Variants in EYA1 observed in about 807,000 individuals in gnomAD.
EYA1 encodes the protein protein phosphatase EYA1.
In EYA1, 16 loss-of-function variants were observed where a neutral mutation model predicts 82.0. The observed-to-expected ratio is 0.20, with a 90% CI of 0.13 to 0.30. The LOEUF is 0.30. Ranked by LOEUF, EYA1 falls within the 10% of genes least tolerant of loss-of-function variation. EYA1 has a pLI of 1.00. For missense variants in EYA1, 633 were observed against 730.7 expected (o/e 0.87, Z 1.54); for synonymous variants, 261 against 264.4 (o/e 0.99, Z 0.12).
intron 11 of EYA1, among the ~76,000 whole-genome samples, chr8:71,254,824 C>T (rs1184518658): frequency 1.3e-5 from 2 of 151,832 alleles, no homozygotes; most frequent in Non-Finnish European, 2.9e-5. Flanking sequence ...TAGAAAGCCC[C>T]GAAGACCTCC....
chr8:71,407,691 GA>G (rs1830336551), intron 2 of EYA1, among the ~76,000 whole-genome samples: 1 of 121,374 alleles, frequency 8.2e-6, no homozygotes, highest in Non-Finnish European at 1.7e-5. Flanking sequence ...AAAAAGAAAT[GA>G]GCAAAGCCTC....
chr8:71,508,955 C>T (rs1038296051), intron 2 of EYA1, among the ~76,000 whole-genome samples: 14 of 152,038 alleles, frequency 9.2e-5, no homozygotes, highest in Non-Finnish European at 1.3e-4. Flanking sequence ...GGTGTGGTGG[C>T]TCACAACTGT....
intron 11 of EYA1, among the ~76,000 whole-genome samples, chr8:71,264,757 T>A (rs1350356575): frequency 6.6e-6 from 1 of 152,044 alleles, no homozygotes; most frequent in Non-Finnish European, 1.5e-5. Flanking sequence ...TTTTGTATTT[T>A]TTTTTTGTAG....
intron 2 of EYA1, among the ~76,000 whole-genome samples, chr8:71,429,734 T>C (rs538414842): frequency 6.6e-6 from 1 of 152,176 alleles, no homozygotes; most frequent in African/African-American, 2.4e-5. Flanking sequence ...AAGGGACTTG[T>C]GTATTTCCAG....
chr8:71,418,433 T>C (rs1830969818), intron 2 of EYA1, among the ~76,000 whole-genome samples: 1 of 152,136 alleles, frequency 6.6e-6, no homozygotes, highest in African/African-American at 2.4e-5. Flanking sequence ...CCTGAACCCA[T>C]TTTCTGACTT....
intron 2 of EYA1, among the ~76,000 whole-genome samples, chr8:71,401,745 C>G (rs1172075170): frequency 6.6e-6 from 1 of 152,220 alleles, no homozygotes; most frequent in Non-Finnish European, 1.5e-5. Context: ...GGCTTAGAAG[C>G]TCCGCTTGGC....
At chr8:71,361,139 T>G (rs1187332524) in intron 1 of EYA1, among the ~76,000 whole-genome samples, 1 of 152,244 alleles carries the variant, frequency 6.6e-6, no homozygotes, top group Non-Finnish European at 1.5e-5. Flanking sequence ...AATATTTTCT[T>G]CCTTAAAAAG....
At chr8:71,510,306 C>A (rs181991214) in intron 2 of EYA1, among the ~76,000 whole-genome samples, 101 of 152,278 alleles carry the variant, frequency 6.6e-4, no homozygotes, top group African/African-American at 2.2e-3. Context: ...CCTAAAGCAG[C>A]CAAACCATAG....
chr8:71,422,939 C>A (rs1254255810), intron 2 of EYA1, among the ~76,000 whole-genome samples: 2 of 152,048 alleles, frequency 1.3e-5, no homozygotes, highest in Non-Finnish European at 2.9e-5. Flanking sequence ...TTATTAGGAA[C>A]AATGCTACAG....
In EYA1 at chr8:71,487,305, T is replaced by C. The variant is rs544442078; in HGVS notation, c.33+48439A>G. ...ACATTCTCAGGCTCAGTTTCATCTG[T>C]AAAATGAGGGGTTCATGCAGATGAT... On this transcript the variant is annotated intron_variant, in intron 2 of 18. Coordinates refer to the EYA1 transcript ENST00000643681. Among the ~76,000 whole-genome samples the C allele has an allele frequency of 2.6e-5, 4 of 152,288 alleles. No individual in the cohort carries two copies. The South Asian group carries it at 6.2e-4, about 24-fold the overall frequency.
chr8:71,234,922 CCAAA>C (rs1811651258), intron 12 of EYA1, among the ~76,000 whole-genome samples: 1 of 152,118 alleles, frequency 6.6e-6, no homozygotes, highest in Non-Finnish European at 1.5e-5. Context: ...CAGCCACCCC[CCAAA>C]CACACTCTTC....
chr8:71,428,206 G>A (rs1352196928), intron 2 of EYA1, among the ~76,000 whole-genome samples: 2 of 152,130 alleles, frequency 1.3e-5, no homozygotes, highest in African/African-American at 4.8e-5. Context: ...TTGTTCGGGG[G>A]AGAAGTTATG....
At chr8:71,469,338 T>C (rs946537891) in intron 2 of EYA1, among the ~76,000 whole-genome samples, 2 of 152,092 alleles carry the variant, frequency 1.3e-5, no homozygotes, top group Admixed American at 6.6e-5. Flanking sequence ...CAAGCCCTCC[T>C]ACGACTTACC....
At chr8:71,317,823 C>T in intron 6 of EYA1, 134 bp from the exon 7 acceptor site, 2 of 838,000 alleles carry the variant, frequency 2.4e-6, no homozygotes, top group Non-Finnish European at 2.0e-6. Context: ...GGTATACATG[C>T]ATTCAGTGAA....
chr8:71,352,932 T>C (rs1826450558), intron 3 of EYA1, among the ~76,000 whole-genome samples: 1 of 152,206 alleles, frequency 6.6e-6, no homozygotes, highest in Non-Finnish European at 1.5e-5. Flanking sequence ...GGAGACAACT[T>C]GCCAATAAAA....
chr8:71,478,056 T>C (rs1308414060), intron 2 of EYA1, among the ~76,000 whole-genome samples: 1 of 152,192 alleles, frequency 6.6e-6, no homozygotes, highest in Non-Finnish European at 1.5e-5. Flanking sequence ...GGGATACTTA[T>C]TTTGGATGAT....
chr8:71,264,088 C>T (rs1815474172), intron 11 of EYA1, among the ~76,000 whole-genome samples: 1 of 152,118 alleles, frequency 6.6e-6, no homozygotes, highest in Non-Finnish European at 1.5e-5. Context: ...AAAATGTTTG[C>T]CAACCCTTGG....
At chr8:71,539,346 C>A (rs1406299312) in intron 1 of EYA1, among the ~76,000 whole-genome samples, 1 of 152,174 alleles carries the variant, frequency 6.6e-6, no homozygotes, top group Non-Finnish European at 1.5e-5. Flanking sequence ...CAGAGAGTGG[C>A]ATGCAGCCCC....
Position 71,408,054 on chromosome 8 carries a change from TG to T in EYA1, c.34-51544del, listed in dbSNP as rs1020174496. Among the ~76,000 whole-genome samples the T allele has an allele frequency of 3.3e-5, 5 of 151,080 alleles. No homozygotes were observed. In the East Asian group the frequency reaches 7.8e-4, roughly 24 times the overall value. On this transcript the variant is annotated intron_variant, in intron 2 of 18. Transcript: ENST00000643681. ...AGAAACCCTACAAGCCAGAAGAGAG[TG>T]GGGGCCAATATTCAACATGCTTAAA...
Sources: gnomAD v4.1 joint callset for allele counts (sites outside exome capture counted in the v4.1 genomes callset) on GRCh38, gnomAD v4.1.1 for gene constraint, MANE v1.5 for transcripts, NCBI Gene and HGNC (gene_info 2026-07-23, HGNC 2026-07-21) for gene names.